The following IPO11 variants were observed in gnomAD, a reference collection of about 807,000 sequenced individuals.
The protein encoded by IPO11 is importin-11.
IPO11 carries 66 observed loss-of-function variants against 143.2 expected under a neutral mutation model. The observed-to-expected ratio is 0.46, with a 90% confidence interval of 0.38 to 0.57. The LOEUF (loss-of-function observed/expected upper bound fraction) is 0.57. Among genes scored for constraint, IPO11 ranks in the 20% least tolerant of loss-of-function variants. The pLI is 0.00. For synonymous variants in IPO11, 385 were observed against 377.8 expected, an observed-to-expected ratio of 1.02 and a Z score of -0.22; for missense variants, 1,026 against 1,141.0, an observed-to-expected ratio of 0.90 and a Z score of 1.45.
chr5:62,606,315 TAA>T (rs58021440), intron 29 of IPO11, among the ~76,000 whole-genome samples: 5 of 136,732 alleles, frequency 3.7e-5, no homozygotes, highest in African/African-American at 5.4e-5. Flanking sequence ...ATCCTGCCTC[TAA>T]AAAAAAAAAA....
intron 20 of IPO11, among the ~76,000 whole-genome samples, chr5:62,520,642 C>G (rs1480590884): frequency 1.3e-5 from 2 of 152,142 alleles, no homozygotes; most frequent in Non-Finnish European, 2.9e-5. Context: ...TCTGTCCTTG[C>G]GATAGTTTGT....
In IPO11 at chr5:62,602,837, C is replaced by CT. The variant is rs371877254; in HGVS notation, c.2763+995dup. Among the ~76,000 whole-genome samples the CT allele has an allele frequency of 1.8e-3, 278 of 152,236 alleles. 1 individual carries two copies. The highest frequency in any genetic ancestry group is 3.0e-3 in the Non-Finnish European group (207 of 67,996). ...GATTCTTAAGACCTGAATTCTAGTC[C>CT]TTTTTTACTATTACTTGTGACCTTG... On this transcript the variant is annotated intron_variant, in intron 29 of 29. Coordinates refer to ENST00000325324, the MANE Select transcript of IPO11 (RefSeq NM_016338.5).
intron 20 of IPO11, among the ~76,000 whole-genome samples, chr5:62,519,898 C>T (rs1742148745): frequency 6.6e-6 from 1 of 152,208 alleles, no homozygotes; most frequent in African/African-American, 2.4e-5. Flanking sequence ...ACTAAGGTCC[C>T]AGTTTACTTG....
intron 27 of IPO11, among the ~76,000 whole-genome samples, chr5:62,570,165 G>A (rs1744088636): frequency 6.6e-6 from 1 of 152,086 alleles, no homozygotes; most frequent in Non-Finnish European, 1.5e-5. Flanking sequence ...CCTTTCATCT[G>A]TATACAAAGC....
intron 24 of IPO11, among the ~76,000 whole-genome samples, chr5:62,540,533 A>T (rs1479679146): frequency 6.6e-6 from 1 of 152,156 alleles, no homozygotes; most frequent in Non-Finnish European, 1.5e-5. Context: ...GGCCATTGTG[A>T]TTCTACTTGT....
chr5:62,546,465 G>A (rs1345418243), intron 24 of IPO11, among the ~76,000 whole-genome samples: 4 of 152,112 alleles, frequency 2.6e-5, no homozygotes, highest in African/African-American at 7.2e-5. Flanking sequence ...GGGGGAGTGG[G>A]GAGGGATAGC....
At chr5:62,451,483 A>G (rs932600076) in intron 4 of IPO11, among the ~76,000 whole-genome samples, 2 of 152,186 alleles carry the variant, frequency 1.3e-5, no homozygotes, top group Non-Finnish European at 2.9e-5. Context: ...CATGGTGGAC[A>G]TTATATGAAG....
intron 1 of IPO11, among the ~76,000 whole-genome samples, chr5:62,431,385 A>T (rs375978033): frequency 1.4e-5 from 2 of 144,560 alleles, no homozygotes. Flanking sequence ...ATTCCAGGGC[A>T]ATTTTTTGTT....
chr5:62,558,862 G>A (rs1419970469), intron 26 of IPO11, among the ~76,000 whole-genome samples: 10 of 152,144 alleles, frequency 6.6e-5, no homozygotes, highest in Non-Finnish European at 8.8e-5. Flanking sequence ...ACTTGACATT[G>A]TGGGTTTGGT....
intron 6 of IPO11, among the ~76,000 whole-genome samples, chr5:62,469,788 T>C (rs1745703755): frequency 6.6e-6 from 1 of 152,200 alleles, no homozygotes; most frequent in Non-Finnish European, 1.5e-5. Context: ...ATGTCACAGT[T>C]GAGCAGTGTA....
At position 62,591,478 on chromosome 5, in the gene IPO11, A is replaced by C. The variant is rs114980284; in HGVS notation, c.2583-99A>C. The C allele has an allele frequency of 1.5e-3, 977 of 671,418 alleles. 8 individuals are homozygous for C. The African/African-American group carries it at 0.017, about 11-fold the overall frequency. 41.6% of individuals were successfully genotyped at this position (671,418 alleles called of 1,614,324 possible). On this transcript the variant is annotated intron_variant, in intron 27 of 29. Coordinates refer to ENST00000325324, the MANE Select transcript of IPO11 (RefSeq NM_016338.5). ...AAGTTTCTTTTGTATTTCACAGCTG[A>C]AATTTCTCTTCATGTTCGAGAAGAT...
chr5:62,448,247 G>A (rs894636432), intron 3 of IPO11, among the ~76,000 whole-genome samples: 1 of 151,714 alleles, frequency 6.6e-6, no homozygotes, highest in African/African-American at 2.4e-5. Context: ...CAGCATGGGT[G>A]TGCTTGACAA....
chr5:62,533,301 TC>T (rs1170728067), intron 22 of IPO11, among the ~76,000 whole-genome samples: 1 of 151,768 alleles, frequency 6.6e-6, no homozygotes, highest in Non-Finnish European at 1.5e-5. Context: ...AACCTCCGTC[TC>T]CCTGGTTCAA....
At chr5:62,539,549 C>T (rs187147461) in intron 24 of IPO11, among the ~76,000 whole-genome samples, 142 of 152,182 alleles carry the variant, frequency 9.3e-4, no homozygotes, top group Admixed American at 3.1e-3. Flanking sequence ...GAATATAAGC[C>T]ACTGTTACCA....
rs775576579 is a variant in IPO11, at chr5:62,470,278, T to C, written c.678T>C (p.Phe226=). 5 of 1,613,898 alleles carry C rather than the reference T, an allele frequency of 3.1e-6. No individual in the cohort carries two copies. The Admixed American group carries it at 8.3e-5, about 27-fold the overall frequency. The part of the protein sequence containing the change: ...KVLRKLTVNG[F]VEPHKNMEVM... The stretch of plus-strand genomic sequence containing the variant: ...TGCGTAAGTTAACTGTTAATGGATT[T>C]GTGGAACCTCATAAGAATATGGAGG... The change falls in exon 7 of 30, where the codon TTT becomes TTC. Residue 226 remains phenylalanine (F), a synonymous_variant. Coordinates refer to ENST00000325324, the MANE Select transcript of IPO11 (RefSeq NM_016338.5).
intron 28 of IPO11, 86 bp from the exon 29 acceptor site, chr5:62,601,678 C>A (rs1248569158): frequency 5.3e-6 from 3 of 568,986 alleles, no homozygotes; most frequent in East Asian, 6.7e-5. Flanking sequence ...TAGAATTATT[C>A]ATGTTCTTAG....
chr5:62,530,010 C>T (rs1742490864), intron 21 of IPO11, among the ~76,000 whole-genome samples: 1 of 152,228 alleles, frequency 6.6e-6, no homozygotes, highest in South Asian at 2.1e-4. Flanking sequence ...TTATAATGGC[C>T]TTTGTTGTAC....
At chr5:62,439,077 AT>A (rs1231411598) in intron 2 of IPO11, among the ~76,000 whole-genome samples, 1 of 150,998 alleles carries the variant, frequency 6.6e-6, no homozygotes, top group Admixed American at 6.6e-5. Flanking sequence ...AAAAAAAAAA[AT>A]CTCTTGAGTA....
At chr5:62,560,891 C>G (rs1335650416) in intron 26 of IPO11, 1 of 283,802 alleles carries the variant, frequency 3.5e-6, no homozygotes, top group Admixed American at 5.3e-5. Context: ...TAAAATCACT[C>G]ATGGGCTACA....
Sources: gnomAD v4.1 joint callset for allele counts (sites outside exome capture counted in the v4.1 genomes callset) on GRCh38, gnomAD v4.1.1 for gene constraint, MANE v1.5 for transcripts, NCBI Gene and HGNC (gene_info 2026-07-23, HGNC 2026-07-21) for gene names.